PPP6R3: variants seen among roughly 807,000 people sequenced by gnomAD.
PPP6R3 encodes protein phosphatase 6 regulatory subunit 3.
In PPP6R3, 38 loss-of-function variants were observed where a neutral mutation model predicts 110.7. That is an observed-to-expected ratio of 0.34 (90% CI 0.26 to 0.45). The LOEUF is 0.45. Ranked by LOEUF, PPP6R3 falls within the 20% of genes least tolerant of loss-of-function variation. The pLI is 1.00. For synonymous variants in PPP6R3, 369 were observed against 373.5 expected (o/e 0.99, Z 0.14); for missense variants, 870 against 1,062.4 (o/e 0.82, Z 2.52).
At chr11:68,500,395 G>A (rs1390736612) in intron 1 of PPP6R3, among the ~76,000 whole-genome samples, 1 of 152,054 alleles carries the variant, frequency 6.6e-6, no homozygotes, top group East Asian at 1.9e-4. Context: ...ACAGTGTTGT[G>A]TAGCCTCTGT....
intron 14 of PPP6R3, among the ~76,000 whole-genome samples, chr11:68,577,514 A>C (rs2099536464): frequency 6.6e-6 from 1 of 152,232 alleles, no homozygotes; most frequent in African/African-American, 2.4e-5. Context: ...GAAGTCAAAA[A>C]TGTCCAATTA....
intron 2 of PPP6R3, among the ~76,000 whole-genome samples, chr11:68,521,334 G>C (rs2099163318): frequency 6.6e-6 from 1 of 152,176 alleles, no homozygotes; most frequent in Non-Finnish European, 1.5e-5. Context: ...TAATTGTTTG[G>C]TGGTAGGAGC....
At chr11:68,482,228 A>G (rs1237712890) in intron 1 of PPP6R3, among the ~76,000 whole-genome samples, 1 of 151,286 alleles carries the variant, frequency 6.6e-6, no homozygotes, top group African/African-American at 2.4e-5. Flanking sequence ...TCTCCAAAAA[A>G]AAAAAAAAAA....
At chr11:68,516,270 C>T (rs528820062) in intron 1 of PPP6R3, among the ~76,000 whole-genome samples, 19 of 152,280 alleles carry the variant, frequency 1.2e-4, no homozygotes, top group African/African-American at 4.3e-4. Context: ...TGAGTGCCAA[C>T]ACGATGCCAC....
intron 4 of PPP6R3, among the ~76,000 whole-genome samples, chr11:68,545,395 G>A (rs1055695523): frequency 1.1e-4 from 17 of 152,268 alleles, no homozygotes; most frequent in African/African-American, 4.1e-4. Context: ...TTCCCCCATT[G>A]ATGATCAGAG....
At chr11:68,476,059 G>T (rs1226138444) in intron 1 of PPP6R3, among the ~76,000 whole-genome samples, 1 of 151,994 alleles carries the variant, frequency 6.6e-6, no homozygotes. Flanking sequence ...CCCAGACGGG[G>T]TGGCGGCCGG....
chr11:68,609,741 G>A (rs1043378998), intron 22 of PPP6R3, 163 bp from the exon 23 acceptor site: 112 of 1,555,908 alleles, frequency 7.2e-5, no homozygotes, highest in Middle Eastern at 3.4e-4. Flanking sequence ...CCCAGTCACT[G>A]TCTGTGGTTG....
Position 68,614,446 on chromosome 11 carries a change from C to T in PPP6R3, c.*1329C>T, listed in dbSNP as rs948950069. 24 of 1,345,272 alleles carry T rather than the reference C, an allele frequency of 1.8e-5. No individual in the cohort carries two copies. Among genetic ancestry groups the T allele is most frequent in the Non-Finnish European group, 2.1e-5 (22 of 1,052,412 alleles). The allele number at this position is 1,345,272 out of a possible 1,614,324, so 83.3% of individuals were successfully genotyped here. On this transcript the variant is annotated 3_prime_UTR_variant, in exon 24 of 24. Coordinates refer to ENST00000393800, the MANE Select transcript of PPP6R3 (RefSeq NM_001164161.2). ...CATTTCTGTAATAGAAAATTATTCA[C>T]GTATTTTTACATCATTTGTTTTTCC...
At chr11:68,512,183 A>G (rs1231055243) in intron 1 of PPP6R3, among the ~76,000 whole-genome samples, 2 of 152,222 alleles carry the variant, frequency 1.3e-5, no homozygotes, top group African/African-American at 4.8e-5. Context: ...CAGGGTTGCC[A>G]TAACAAAATA....
At chr11:68,490,161 T>A (rs1259716195) in intron 1 of PPP6R3, among the ~76,000 whole-genome samples, 1 of 152,194 alleles carries the variant, frequency 6.6e-6, no homozygotes, top group Non-Finnish European at 1.5e-5. Context: ...CCCTCAATTT[T>A]GTTTGTCTCT....
At position 68,542,325 on chromosome 11, in the gene PPP6R3, A is replaced by G. The variant is rs1039138592; in HGVS notation, c.228-2513A>G. On this transcript the variant is annotated intron_variant, in intron 3 of 23. Coordinates refer to ENST00000393800, the MANE Select transcript of PPP6R3 (RefSeq NM_001164161.2). ...GGCAAAGGAAGCGAGGTCAGAGCCT[A>G]TGGAGGAGGAGGGGTCTTGCCGAGG... Among the ~76,000 whole-genome samples the G allele has an allele frequency of 6.0e-5, 8 of 134,330 alleles. No homozygotes were observed. The South Asian group carries it at 8.0e-4, about 13-fold the overall frequency. 88.1% of individuals were successfully genotyped at this position (134,330 alleles called of 152,430 possible). A position where few individuals can be genotyped will look rare whatever the true frequency, so the allele number is the denominator to read the frequency against.
At chr11:68,528,144 G>C (rs2099210808) in intron 2 of PPP6R3, among the ~76,000 whole-genome samples, 1 of 152,032 alleles carries the variant, frequency 6.6e-6, no homozygotes, top group Non-Finnish European at 1.5e-5. Flanking sequence ...GTATTCCTTA[G>C]CATAATTCAT....
chr11:68,516,491 T>C (rs1241831708), intron 1 of PPP6R3, among the ~76,000 whole-genome samples: 1 of 152,230 alleles, frequency 6.6e-6, no homozygotes, highest in Non-Finnish European at 1.5e-5. Context: ...TATATGCAGA[T>C]ATTTAAAAAT....
chr11:68,504,300 T>C (rs565379284), intron 1 of PPP6R3, among the ~76,000 whole-genome samples: 14 of 152,276 alleles, frequency 9.2e-5, no homozygotes, highest in South Asian at 2.1e-4. Flanking sequence ...TTGAGAAATA[T>C]ACAGGTGGGT....
intron 1 of PPP6R3, among the ~76,000 whole-genome samples, chr11:68,508,287 C>T (rs2099089682): frequency 1.3e-5 from 2 of 151,962 alleles, no homozygotes; most frequent in Non-Finnish European, 1.5e-5. Context: ...AGCCACCAAG[C>T]CCGGCTTATT....
chr11:68,568,838 CACTGCAA>C (rs2099490205), intron 10 of PPP6R3, among the ~76,000 whole-genome samples: 1 of 151,304 alleles, frequency 6.6e-6, no homozygotes, highest in Non-Finnish European at 1.5e-5. Context: ...GATCTTGGCT[CACTGCAA>C]GCTCCGCCTC....
In PPP6R3 at chr11:68,537,724, A is replaced by C. The variant is rs763842559; in HGVS notation, c.60A>C (p.Glu20Asp). 6.2e-7 allele frequency: 1 copy of C among 1,613,486 alleles called. No individual in the cohort carries two copies. The highest frequency in any genetic ancestry group is 1.7e-5 in the Admixed American group (1 of 60,024). ...ACATAGACACACTTCTAGAAAGAGA[A>C]GATGTAACACTGAAGGAGTTAATGG... Reference protein sequence around the residue: ...SSHIDTLLEREDVTLKELMDE... With the variant: ...SSHIDTLLERDDVTLKELMDE... The change falls in exon 3 of 24, where the codon GAA (glutamate) becomes GAC (aspartate). Residue 20 changes from glutamate to aspartate, a missense_variant. By Grantham distance (45) the Glu-to-Asp change is conservative. Transcript: ENST00000393800.
intron 1 of PPP6R3, among the ~76,000 whole-genome samples, chr11:68,486,637 G>T (rs913750554): frequency 1.3e-5 from 2 of 149,750 alleles, no homozygotes; most frequent in African/African-American, 4.9e-5. Flanking sequence ...AATTCCGTCT[G>T]CTGCTTTCTA....
At chr11:68,573,964 T>TTTTTC (rs1327663666) in intron 12 of PPP6R3, 145 bp from the exon 13 acceptor site, 3 of 586,122 alleles carry the variant, frequency 5.1e-6, no homozygotes, top group Non-Finnish European at 9.2e-6. Flanking sequence ...CATTCCTTTG[T>TTTTTC]TTTTCTTTTC....
Sources: allele counts gnomAD v4.1 joint callset (sites outside exome capture counted in the v4.1 genomes callset), GRCh38; gene constraint gnomAD v4.1.1; transcripts MANE v1.5; gene names NCBI Gene and HGNC (gene_info 2026-07-23, HGNC 2026-07-21).